Variants in SPATA1 observed in about 807,000 individuals in gnomAD.
The protein encoded by SPATA1 is spermatogenesis-associated protein 1.
SPATA1 carries 57 observed loss-of-function variants against 59.6 expected under a neutral mutation model. The ratio of observed to expected loss-of-function variants is 0.96; its 90% CI spans 0.77 to 1.19. The LOEUF (loss-of-function observed/expected upper bound fraction) is 1.19. Among genes scored for constraint, SPATA1 ranks in the 50% most tolerant of loss-of-function variants. SPATA1 has a pLI of 0.00. For missense variants in SPATA1, 448 were observed against 480.7 expected (o/e 0.93, Z 0.64); for synonymous variants, 147 against 163.9 (o/e 0.90, Z 0.79).
At chr1:84,513,341 G>A (rs1016119732) in intron 1 of SPATA1, among the ~76,000 whole-genome samples, 3 of 152,178 alleles carry the variant, frequency 2.0e-5, no homozygotes, top group African/African-American at 7.2e-5. Flanking sequence ...CTCCATGTTG[G>A]TCAGGCTGGT....
intron 12 of SPATA1, chr1:84,551,044 T>C (rs1684255781): frequency 3.0e-6 from 3 of 985,360 alleles, no homozygotes; most frequent in Non-Finnish European, 3.6e-6. Flanking sequence ...ACCTTTTGTA[T>C]AGCAGATGCT....
chr1:84,549,568 T>C (rs1684208621), intron 11 of SPATA1: 1 of 152,048 alleles, frequency 6.6e-6, no homozygotes, highest in South Asian at 2.1e-4. Context: ...TTTAAAGAAA[T>C]TATGAAATTT....
In SPATA1 at chr1:84,548,831, C is replaced by G. The variant is rs774773038; in HGVS notation, c.992C>G (p.Thr331Arg). 6.2e-6 allele frequency: 9 copies of G among 1,456,756 alleles called. No homozygotes were observed. In the African/African-American group the frequency reaches 8.0e-5, roughly 13 times the overall value. The allele number at this position is 1,456,756 out of a possible 1,614,324, so 90.2% of individuals were successfully genotyped here. The change falls in exon 11 of 13, where the codon ACA (threonine) becomes AGA (arginine). Residue 331 changes from threonine to arginine, a missense_variant. Thr to Arg is a moderately conservative substitution (Grantham distance 71, BLOSUM62 -1). Coordinates refer to ENST00000490879, the Ensembl canonical transcript of SPATA1. The stretch of plus-strand genomic sequence containing the variant: ...AAATACTTGGAAACAAAGAAAGTCA[C>G]AGCATCAATGGAGGAGGTTTTAACA...
At chr1:84,533,395 C>T (rs6690906) in intron 7 of SPATA1, among the ~76,000 whole-genome samples, 27,697 of 151,790 alleles carry the variant, frequency 0.18, 4,857 homozygotes, top group African/African-American at 0.46. Flanking sequence ...ATTAAGGGTT[C>T]TTATAAACAG....
chr1:84,555,820 T>A (rs1365876152), downstream of SPATA1: 1 of 152,238 alleles, frequency 6.6e-6, no homozygotes. Context: ...AATGTTTCAT[T>A]AGATAATGCT....
At chr1:84,544,391 A>G in intron 9 of SPATA1, 87 bp downstream of exon 9, 1 of 1,012,172 alleles carries the variant, frequency 9.9e-7, no homozygotes, top group Non-Finnish European at 1.5e-6. Flanking sequence ...ATGGGTATAG[A>G]GTTTCAGTTT....
intron 8 of SPATA1, among the ~76,000 whole-genome samples, chr1:84,539,607 G>A (rs1184488599): frequency 6.6e-6 from 1 of 151,490 alleles, no homozygotes; most frequent in Admixed American, 6.6e-5. Context: ...ACCATTTTTT[G>A]GGGGGGTTAC....
chr1:84,526,465 A>C (rs2677840), intron 6 of SPATA1, among the ~76,000 whole-genome samples: 4 of 152,228 alleles, frequency 2.6e-5, no homozygotes, highest in Non-Finnish European at 5.9e-5. Context: ...ACAGACAACA[A>C]CAACAAAAAA....
At chr1:84,550,869 C>G in intron 12 of SPATA1, 3 of 986,898 alleles carry the variant, frequency 3.0e-6, no homozygotes, top group Non-Finnish European at 3.6e-6. Flanking sequence ...CCACTGAGCT[C>G]TCCTCTGAAC....
At chr1:84,564,868 TA>T (rs936937826) in intron 4 of SPATA1, among the ~76,000 whole-genome samples, 1 of 149,084 alleles carries the variant, frequency 6.7e-6, no homozygotes, top group Non-Finnish European at 1.5e-5. Flanking sequence ...TCCATCTCCT[TA>T]AAAAAAAAAT....
intron 2 of SPATA1, among the ~76,000 whole-genome samples, chr1:84,518,814 C>T (rs1462617435): frequency 6.6e-6 from 1 of 151,792 alleles, no homozygotes; most frequent in Non-Finnish European, 1.5e-5. Context: ...GAGACCTACC[C>T]TGACTATTTA....
chr1:84,547,725 T>G (rs1369617795), intron 10 of SPATA1, among the ~76,000 whole-genome samples: 1 of 152,096 alleles, frequency 6.6e-6, no homozygotes, highest in Non-Finnish European at 1.5e-5. Flanking sequence ...ATACGACCAG[T>G]GCTGCTGAAA....
chr1:84,553,076 T>C (rs1684326064), exon 13 of SPATA1: 1 of 1,530,578 alleles, frequency 6.5e-7, no homozygotes, highest in South Asian at 1.3e-5. Context: ...CATTGAAAAC[T>C]GAACTGGCAC....
intron 4 of SPATA1, among the ~76,000 whole-genome samples, chr1:84,565,118 G>A (rs1231403068): frequency 6.6e-6 from 1 of 151,778 alleles, no homozygotes; most frequent in African/African-American, 2.4e-5. Flanking sequence ...GGCTAAGGCT[G>A]AGCTTGTGAG....
intron 3 of SPATA1, among the ~76,000 whole-genome samples, chr1:84,521,480 T>G (rs1683024612): frequency 1.3e-5 from 2 of 152,198 alleles, no homozygotes; most frequent in Non-Finnish European, 2.9e-5. Context: ...AGGACCCTTG[T>G]ACTTTCTGTT....
At chr1:84,539,202 G>A (rs72950315) in intron 8 of SPATA1, among the ~76,000 whole-genome samples, 5,910 of 152,250 alleles carry the variant, frequency 0.039, 395 homozygotes, top group African/African-American at 0.13. Flanking sequence ...GGAGAATCAC[G>A]GCTCTAAGCC....
At chr1:84,540,917 TG>T (rs1218272597) in intron 8 of SPATA1, among the ~76,000 whole-genome samples, 1 of 152,248 alleles carries the variant, frequency 6.6e-6, no homozygotes, top group African/African-American at 2.4e-5. Flanking sequence ...ATTTACTCTC[TG>T]GCCCTTTACA....
At chr1:84,536,567 C>T (rs2101981504) in intron 8 of SPATA1, among the ~76,000 whole-genome samples, 1 of 152,342 alleles carries the variant, frequency 6.6e-6, no homozygotes, top group South Asian at 2.1e-4. Context: ...CCTCAGCCTC[C>T]CGAGTAGTTG....
chr1:84,542,680 A>G (rs1196009436), intron 8 of SPATA1, among the ~76,000 whole-genome samples: 1 of 152,126 alleles, frequency 6.6e-6, no homozygotes, highest in Non-Finnish European at 1.5e-5. Context: ...CCTCACTTAC[A>G]TGTAAAGGAT....
Sources: gnomAD v4.1 joint callset for allele counts (sites outside exome capture counted in the v4.1 genomes callset) on GRCh38, gnomAD v4.1.1 for gene constraint, MANE v1.5 for transcripts, NCBI Gene and HGNC (gene_info 2026-07-23, HGNC 2026-07-21) for gene names.